MSRA: variants seen among roughly 807,000 people sequenced by gnomAD.
MSRA encodes mitochondrial peptide methionine sulfoxide reductase.
MSRA carries 54 observed loss-of-function variants against 31.3 expected under a neutral mutation model. The observed-to-expected ratio is 1.73, with a 90% CI of 1.39 to 2.17. The LOEUF (loss-of-function observed/expected upper bound fraction) is 2.17. Ranked by LOEUF, MSRA falls within the 30% of genes most tolerant of loss-of-function variation. MSRA has a pLI of 0.00. For synonymous variants in MSRA, 169 were observed against 116.5 expected, an observed-to-expected ratio of 1.45 and a Z score of -2.90; for missense variants, 507 against 300.9, an observed-to-expected ratio of 1.69 and a Z score of -5.07.
intron 4 of MSRA, among the ~76,000 whole-genome samples, chr8:10,302,209 C>T (rs755697673): frequency 6.6e-6 from 1 of 152,188 alleles, no homozygotes; most frequent in Non-Finnish European, 1.5e-5. Flanking sequence ...GGGCTATAAA[C>T]AATGGTGGTT....
At chr8:10,426,521 C>G (rs1809175356) in intron 5 of MSRA, among the ~76,000 whole-genome samples, 1 of 152,222 alleles carries the variant, frequency 6.6e-6, no homozygotes, top group African/African-American at 2.4e-5. Context: ...CACAGCTGCG[C>G]CCTGCAAAGA....
chr8:10,085,560 GT>G (rs1455050684), intron 1 of MSRA, among the ~76,000 whole-genome samples: 16 of 152,248 alleles, frequency 1.1e-4, no homozygotes, highest in Admixed American at 5.9e-4. Flanking sequence ...ACCTTGGATG[GT>G]TTCTATGTTA....
intron 3 of MSRA, among the ~76,000 whole-genome samples, chr8:10,248,398 A>T (rs1254385796): frequency 1.3e-5 from 2 of 152,194 alleles, no homozygotes; most frequent in Non-Finnish European, 2.9e-5. Flanking sequence ...CCACAGGGCC[A>T]GCTTTACCAC....
chr8:10,059,727 G>A (rs1187936127), intron 1 of MSRA, among the ~76,000 whole-genome samples: 2 of 152,134 alleles, frequency 1.3e-5, no homozygotes, highest in African/African-American at 4.8e-5. Context: ...GTAAATAGTT[G>A]CAATTCATAT....
intron 5 of MSRA, among the ~76,000 whole-genome samples, chr8:10,382,026 C>T (rs987113406): frequency 7.2e-5 from 11 of 152,176 alleles, no homozygotes; most frequent in East Asian, 1.9e-4. Flanking sequence ...TTTCTTTCTG[C>T]GTGGTACAAG....
chr8:10,387,617 G>A (rs529998621), intron 5 of MSRA, among the ~76,000 whole-genome samples: 1 of 152,246 alleles, frequency 6.6e-6, no homozygotes, highest in African/African-American at 2.4e-5. Flanking sequence ...GGAAGGTGAG[G>A]GGTGCAAGTT....
At chr8:10,095,073 C>T (rs74345330) in intron 1 of MSRA, among the ~76,000 whole-genome samples, 19 of 152,282 alleles carry the variant, frequency 1.2e-4, no homozygotes, top group East Asian at 5.8e-4. Flanking sequence ...TCTGGGCATA[C>T]GGTTTTAATT....
intron 3 of MSRA, among the ~76,000 whole-genome samples, chr8:10,286,463 C>G (rs543394301): frequency 6.6e-6 from 1 of 152,336 alleles, no homozygotes; most frequent in Non-Finnish European, 1.5e-5. Flanking sequence ...CTTGCTCCTC[C>G]TTGCCTCCCA....
At chr8:10,346,900 G>A (rs1803813831) in intron 5 of MSRA, among the ~76,000 whole-genome samples, 1 of 152,164 alleles carries the variant, frequency 6.6e-6, no homozygotes, top group South Asian at 2.1e-4. Context: ...GCTGCAGGTT[G>A]TGGGTGAAGG....
At chr8:10,093,164 G>A (rs1007100384) in intron 1 of MSRA, among the ~76,000 whole-genome samples, 1 of 151,966 alleles carries the variant, frequency 6.6e-6, no homozygotes, top group African/African-American at 2.4e-5. Context: ...CTTTTAATTG[G>A]AGTGTTTAAT....
intron 1 of MSRA, among the ~76,000 whole-genome samples, chr8:10,186,311 G>T (rs142329046): frequency 8.7e-4 from 132 of 152,258 alleles, no homozygotes; most frequent in African/African-American, 3.0e-3. Flanking sequence ...CAGGCCATAC[G>T]GTTCCTGTCA....
At chr8:10,112,106 C>T (rs1446499255) in intron 1 of MSRA, among the ~76,000 whole-genome samples, 2 of 151,494 alleles carry the variant, frequency 1.3e-5, no homozygotes, top group African/African-American at 2.4e-5. Context: ...ATTTTGTAGT[C>T]ACCTCTGACA....
intron 1 of MSRA, among the ~76,000 whole-genome samples, chr8:10,181,756 A>G (rs902823668): frequency 1.3e-5 from 2 of 152,196 alleles, no homozygotes; most frequent in African/African-American, 4.8e-5. Flanking sequence ...CAGACGTATT[A>G]TGAAGGTCAA....
intron 3 of MSRA, among the ~76,000 whole-genome samples, 171 bp downstream of exon 3, chr8:10,245,394 A>G (rs191881940): frequency 1.4e-3 from 212 of 152,356 alleles, no homozygotes; most frequent in African/African-American, 4.9e-3. Context: ...TGTTTAGAAG[A>G]TGATAATCTT....
intron 3 of MSRA, among the ~76,000 whole-genome samples, chr8:10,274,383 T>C (rs972105749): frequency 6.6e-6 from 1 of 152,114 alleles, no homozygotes; most frequent in Non-Finnish European, 1.5e-5. Context: ...GGAAAGCAGA[T>C]GTTGGCATCC....
chr8:10,123,627 C>T (rs1378842131), intron 1 of MSRA, among the ~76,000 whole-genome samples: 1 of 152,036 alleles, frequency 6.6e-6, no homozygotes, highest in Non-Finnish European at 1.5e-5. Context: ...GGTTGTCTTC[C>T]AGAGTTTTTA....
intron 1 of MSRA, among the ~76,000 whole-genome samples, chr8:10,192,581 G>C (rs1395251036): frequency 1.3e-5 from 2 of 152,242 alleles, no homozygotes; most frequent in Non-Finnish European, 2.9e-5. Context: ...TCATTCCTCA[G>C]TGATGAGTAG....
intron 1 of MSRA, among the ~76,000 whole-genome samples, chr8:10,177,509 T>G (rs945672656): frequency 2.0e-5 from 3 of 151,812 alleles, no homozygotes; most frequent in Non-Finnish European, 2.9e-5. Context: ...TATCCACCTC[T>G]TCTTTGGGAG....
At chr8:10,284,267 C>T (rs1332970160) in intron 3 of MSRA, among the ~76,000 whole-genome samples, 1 of 152,122 alleles carries the variant, frequency 6.6e-6, no homozygotes, top group Non-Finnish European at 1.5e-5. Flanking sequence ...CGGCTCACTG[C>T]AACCTCCACC....
Sources: allele counts gnomAD v4.1 joint callset (sites outside exome capture counted in the v4.1 genomes callset), GRCh38; gene constraint gnomAD v4.1.1; transcripts MANE v1.5; gene names NCBI Gene and HGNC (gene_info 2026-07-23, HGNC 2026-07-21).